The following PCBP1 variants were observed in gnomAD, a reference collection of about 807,000 sequenced individuals.
PCBP1 encodes poly(rC) binding protein 1.
For missense variants in PCBP1, 244 were observed against 474.4 expected (o/e 0.51, Z 4.51); for synonymous variants, 284 against 195.8 (o/e 1.45, Z -3.76).
rs1050348341 is a variant in PCBP1 at position 70,088,543 on chromosome 2, T to C, written c.800T>C (p.Val267Ala). 1.1e-5 allele frequency: 18 copies of C among 1,614,104 alleles called. No homozygotes were observed. Among genetic ancestry groups the C allele is most frequent in the Non-Finnish European group, 1.3e-5 (15 of 1,180,042 alleles). Residue 267 changes from valine (V) to alanine (A), a missense_variant, in exon 1 of 1, where the codon GTG becomes GCG. Val to Ala is a moderately conservative substitution (Grantham distance 64). Transcript: ENST00000303577. The surrounding 1 kb of genome is among the most constrained non-coding windows in gnomAD (Gnocchi z 4.5). Reference protein sequence around the residue: ...FAGIDSSSPEVKGYWASLDAS... With the variant: ...FAGIDSSSPEAKGYWASLDAS... ...GGAATTGACTCCAGCTCTCCAGAGG[T>C]GAAAGGCTATTGGGCAAGTTTGGAT...
rs770917988 is a variant in PCBP1, at chr2:70,088,860, G to A, written c.*46G>A. ...TAACCCCTTTCTGCTGTTCTCCCATGATCCAACTGTGTAATTTCTGGTCAG... is the reference window on the plus strand; with the variant it reads ...TAACCCCTTTCTGCTGTTCTCCCATAATCCAACTGTGTAATTTCTGGTCAG... On this transcript the variant is annotated 3_prime_UTR_variant, in exon 1 of 1. Coordinates refer to ENST00000303577, the MANE Select transcript of PCBP1 (RefSeq NM_006196.4). The surrounding 1 kb of genome is among the most constrained non-coding windows in gnomAD (Gnocchi z 4.5). 4 of 1,358,404 alleles carry A rather than the reference G, an allele frequency of 2.9e-6. No individual in the cohort carries two copies. The highest frequency in any genetic ancestry group is 2.9e-5 in the African/African-American group (2 of 68,568). The allele number at this position is 1,358,404 out of a possible 1,614,324, so 84.1% of individuals were successfully genotyped here.
At position 70,087,496 on chromosome 2, in the gene PCBP1, C is replaced by G. The variant is rs1201167805; in HGVS notation, c.-248C>G. On this transcript the variant is annotated 5_prime_UTR_variant, in exon 1 of 1. Transcript: ENST00000303577. ...CCGCCCAGACCGCCGAGGCTGCCGCCGGAGTCGCCACCGCCGCGCCCTCGC... is the reference window on the plus strand; with the variant it reads ...CCGCCCAGACCGCCGAGGCTGCCGCGGGAGTCGCCACCGCCGCGCCCTCGC... 3 of 149,780 alleles carry G rather than the reference C, an allele frequency of 2.0e-5. No individual in the cohort carries two copies. The highest frequency in any genetic ancestry group is 3.0e-5 in the Non-Finnish European group (2 of 66,844). The allele number at this position is 149,780 out of a possible 1,614,324, so 9.3% of individuals were successfully genotyped here. A position where few individuals can be genotyped will look rare whatever the true frequency, so the allele number is the denominator to read the frequency against.
At position 70,087,604 on chromosome 2, in the gene PCBP1, G is replaced by GCCCGCTCCCGCTCGCT; in HGVS notation, c.-134_-119dup. The GCCCGCTCCCGCTCGCT allele has an allele frequency of 2.7e-6, 1 of 370,622 alleles. No individual in the cohort carries two copies. Among genetic ancestry groups the GCCCGCTCCCGCTCGCT allele is most frequent in the East Asian group, 4.3e-5 (1 of 23,006 alleles). 23.0% of individuals were successfully genotyped at this position (370,622 alleles called of 1,614,324 possible). ...CCCTGCGACTACGCTGCGGCCTCCC[G>GCCCGCTCCCGCTCGCT]CCCGCTCCCGCTCGCTCCCGCGGCC... On this transcript the variant is annotated 5_prime_UTR_variant, in exon 1 of 1. Transcript: ENST00000303577.
chr2:70,087,630 C>T lies in PCBP1; in HGVS notation c.-114C>T, dbSNP rs551661073. ...CCCGCTCCCGCTCGCTCCCGCGGCC[C>T]TCGCTCGCCTCGCGCCGGCAGTTTT... On this transcript the variant is annotated 5_prime_UTR_variant, in exon 1 of 1. Transcript: ENST00000303577. The T allele has an allele frequency of 1.5e-5, 9 of 616,006 alleles. No homozygotes were observed. Among genetic ancestry groups the T allele is most frequent in the East Asian group, 3.1e-5 (1 of 32,550 alleles). The allele number at this position is 616,006 out of a possible 1,614,324, so 38.2% of individuals were successfully genotyped here.
Position 70,088,309 on chromosome 2 carries a change from G to C in PCBP1, c.566G>C (p.Ser189Thr), listed in dbSNP as rs1316876821. 3 of 1,613,814 alleles carry C rather than the reference G, an allele frequency of 1.9e-6. No homozygotes were observed. Among genetic ancestry groups the C allele is most frequent in the Non-Finnish European group, 2.5e-6 (3 of 1,180,034 alleles). The change falls in exon 1 of 1, where the codon AGC (serine) becomes ACC (threonine). Residue 189 changes from serine (S) to threonine (T), a missense_variant. By Grantham distance (58) the Ser-to-Thr change is moderately conservative. Transcript: ENST00000303577. The surrounding 1 kb of genome is among the most constrained non-coding windows in gnomAD (Gnocchi z 4.5). The part of the protein sequence containing the change: ...MTIPYQPMPA[S>T]SPVICAGGQD... Reference sequence around the variant, plus strand: ...ATTCCGTACCAGCCCATGCCGGCCAGCTCCCCAGTCATCTGCGCGGGCGGC... The same window carrying C: ...ATTCCGTACCAGCCCATGCCGGCCACCTCCCCAGTCATCTGCGCGGGCGGC...
Position 70,088,502 on chromosome 2 carries a change from C to T in PCBP1, c.759C>T (p.Gly253=), listed in dbSNP as rs763208377. Residue 253 remains glycine, a synonymous_variant, in exon 1 of 1, where the codon GGC becomes GGT. Coordinates refer to ENST00000303577, the MANE Select transcript of PCBP1 (RefSeq NM_006196.4). The surrounding 1 kb of genome is among the most constrained non-coding windows in gnomAD (Gnocchi z 4.5). ...RQQSHFAMMH[G]GTGFAGIDSS... is the part of the protein sequence containing the mutation. The stretch of plus-strand genomic sequence containing the variant: ...AGTCTCACTTTGCCATGATGCACGG[C>T]GGGACCGGATTCGCCGGAATTGACT... 3 of 1,614,148 alleles carry T rather than the reference C, an allele frequency of 1.9e-6. No individual in the cohort carries two copies. The highest frequency in any genetic ancestry group is 2.5e-6 in the Non-Finnish European group (3 of 1,180,050).
Position 70,087,969 on chromosome 2 carries a change from A to G in PCBP1, c.226A>G (p.Ile76Val), listed in dbSNP as rs1365642765. Reference sequence around the variant, plus strand: ...CATCTTTAAGGCTTTCGCTATGATCATCGACAAGCTGGAGGAAGATATCAA... The same window carrying G: ...CATCTTTAAGGCTTTCGCTATGATCGTCGACAAGCTGGAGGAAGATATCAA... ...NAIFKAFAMIIDKLEEDINSS... is the reference protein window; with the variant it reads ...NAIFKAFAMIVDKLEEDINSS... Residue 76 changes from isoleucine (I) to valine (V), a missense_variant, in exon 1 of 1, where the codon ATC becomes GTC. Transcript: ENST00000303577. The G allele has an allele frequency of 6.2e-7, 1 of 1,613,920 alleles. No homozygotes were observed. Among genetic ancestry groups the G allele is most frequent in the Admixed American group, 1.7e-5 (1 of 60,006 alleles).
chr2:70,087,606 CCGCTCCCGCT>C lies in PCBP1; in HGVS notation c.-128_-119del, dbSNP rs1256835290. ...CTGCGACTACGCTGCGGCCTCCCGC[CCGCTCCCGCT>C]CGCTCCCGCGGCCCTCGCTCGCCTC... is the stretch of plus-strand genomic sequence containing the variant. On this transcript the variant is annotated 5_prime_UTR_variant, in exon 1 of 1. Transcript: ENST00000303577. The C allele has an allele frequency of 1.0e-3, 450 of 431,710 alleles. No homozygotes were observed. Among genetic ancestry groups the C allele is most frequent in the East Asian group, 6.5e-3 (173 of 26,538 alleles). 26.7% of individuals were successfully genotyped at this position (431,710 alleles called of 1,614,324 possible).
At position 70,088,818 on chromosome 2, in the gene PCBP1, A is replaced by T; in HGVS notation, c.*4A>T. ...GAAGGGCATGGGGTGCAGCTAGAAC[A>T]GTGTAGGTTCCCTCAATAACCCCTT... On this transcript the variant is annotated 3_prime_UTR_variant, in exon 1 of 1. Coordinates refer to ENST00000303577, the MANE Select transcript of PCBP1 (RefSeq NM_006196.4). This position sits in a 1 kb window ranked among gnomAD's most constrained non-coding sequence, Gnocchi z 4.5. 1 of 1,599,600 alleles carries T rather than the reference A, an allele frequency of 6.3e-7. No homozygotes were observed. The highest frequency in any genetic ancestry group is 8.5e-7 in the Non-Finnish European group (1 of 1,170,892).
chr2:70,087,818 A>G lies in PCBP1; in HGVS notation c.75A>G (p.Val25=). 2 of 1,607,488 alleles carry G rather than the reference A, an allele frequency of 1.2e-6. No homozygotes were observed. Among genetic ancestry groups the G allele is most frequent in the Non-Finnish European group, 1.7e-6 (2 of 1,175,874 alleles). The change falls in exon 1 of 1, where the codon GTA becomes GTG. Residue 25 remains valine, a synonymous_variant. Coordinates refer to ENST00000303577, the MANE Select transcript of PCBP1 (RefSeq NM_006196.4). ...TIRLLMHGKE[V]GSIIGKKGES... Reference sequence around the variant, plus strand: ...GGCTTCTTATGCACGGAAAGGAAGTAGGAAGCATCATTGGGAAGAAAGGGG... The same window carrying G: ...GGCTTCTTATGCACGGAAAGGAAGTGGGAAGCATCATTGGGAAGAAAGGGG...
Position 70,088,671 on chromosome 2 carries a change from G to C in PCBP1, c.928G>C (p.Gly310Arg). ...CATTAATGAGATCCGCCAGATGTCCGGGGCCCAGATCAAAATTGCCAACCC... is the reference window on the plus strand; with the variant it reads ...CATTAATGAGATCCGCCAGATGTCCCGGGCCCAGATCAAAATTGCCAACCC... ...ANINEIRQMS[G>R]AQIKIANPVE... Residue 310 changes from glycine to arginine, a missense_variant, in exon 1 of 1, where the codon GGG becomes CGG. Gly to Arg is a moderately radical substitution (Grantham distance 125). Coordinates refer to ENST00000303577, the MANE Select transcript of PCBP1 (RefSeq NM_006196.4). The surrounding 1 kb of genome is among the most constrained non-coding windows in gnomAD (Gnocchi z 4.5). 6.2e-7 allele frequency: 1 copy of C among 1,614,234 alleles called. No homozygotes were observed. Among genetic ancestry groups the C allele is most frequent in the Non-Finnish European group, 8.5e-7 (1 of 1,180,048 alleles).
In PCBP1 at chr2:70,087,642, G is replaced by A; in HGVS notation, c.-102G>A. 1.5e-6 allele frequency: 1 copy of A among 682,224 alleles called. No individual in the cohort carries two copies. Among genetic ancestry groups the A allele is most frequent in the Non-Finnish European group, 2.3e-6 (1 of 433,274 alleles). 42.3% of individuals were successfully genotyped at this position (682,224 alleles called of 1,614,324 possible). On this transcript the variant is annotated 5_prime_UTR_variant, in exon 1 of 1. Coordinates refer to ENST00000303577, the MANE Select transcript of PCBP1 (RefSeq NM_006196.4). ...CGCTCCCGCGGCCCTCGCTCGCCTC[G>A]CGCCGGCAGTTTTGGGCCTACACCT...
chr2:70,088,887 G>A lies in PCBP1; in HGVS notation c.*73G>A, dbSNP rs1572930016. 1 of 1,077,766 alleles carries A rather than the reference G, an allele frequency of 9.3e-7. No homozygotes were observed. The highest frequency in any genetic ancestry group is 2.5e-5 in the East Asian group (1 of 40,516). 66.8% of individuals were successfully genotyped at this position (1,077,766 alleles called of 1,614,324 possible). On this transcript the variant is annotated 3_prime_UTR_variant, in exon 1 of 1. Coordinates refer to ENST00000303577, the MANE Select transcript of PCBP1 (RefSeq NM_006196.4). This position sits in a 1 kb window ranked among gnomAD's most constrained non-coding sequence, Gnocchi z 4.5. ...TCCAACTGTGTAATTTCTGGTCAGT[G>A]ATTCCAGGTTTTAAATAATTTGTAA...
Position 70,088,019 on chromosome 2 carries a change from G to A in PCBP1, c.276G>A (p.Ala92=). The change falls in exon 1 of 1, where the codon GCG becomes GCA. Residue 92 remains alanine (A), a synonymous_variant. Transcript: ENST00000303577. This position sits in a 1 kb window ranked among gnomAD's most constrained non-coding sequence, Gnocchi z 4.5. ...ACAGCTCCATGACCAACAGTACCGC[G>A]GCCAGCAGGCCCCCGGTCACCCTGA... is the stretch of plus-strand genomic sequence containing the variant. The part of the protein sequence containing the change: ...DINSSMTNST[A]ASRPPVTLRL... 1 of 1,613,734 alleles carries A rather than the reference G, an allele frequency of 6.2e-7. No homozygotes were observed.
Position 70,088,577 on chromosome 2 carries a change from T to C in PCBP1, c.834T>C (p.Thr278=). ...KGYWASLDAS[T]QTTHELTIPN... is the part of the protein sequence containing the mutation. Reference sequence around the variant, plus strand: ...ATTGGGCAAGTTTGGATGCATCTACTCAAACCACCCATGAACTCACCATTC... The same window carrying C: ...ATTGGGCAAGTTTGGATGCATCTACCCAAACCACCCATGAACTCACCATTC... Residue 278 remains threonine, a synonymous_variant, in exon 1 of 1, where the codon ACT becomes ACC. Transcript: ENST00000303577. This position sits in a 1 kb window ranked among gnomAD's most constrained non-coding sequence, Gnocchi z 4.5. The C allele has an allele frequency of 1.9e-6, 3 of 1,614,242 alleles. No homozygotes were observed. Among genetic ancestry groups the C allele is most frequent in the Non-Finnish European group, 8.5e-7 (1 of 1,180,044 alleles).
Position 70,087,712 on chromosome 2 carries a change from C to T in PCBP1, c.-32C>T, listed in dbSNP as rs1309352130. 3 of 1,432,506 alleles carry T rather than the reference C, an allele frequency of 2.1e-6. No individual in the cohort carries two copies. The highest frequency in any genetic ancestry group is 2.9e-6 in the Non-Finnish European group (3 of 1,049,804). The allele number at this position is 1,432,506 out of a possible 1,614,324, so 88.7% of individuals were successfully genotyped here. A position where few individuals can be genotyped will look rare whatever the true frequency, so the allele number is the denominator to read the frequency against. ...CCAAAGACTTGACCACGTAACGAGCCCAACTCCCCCGAACGCCGCCCGCCG... is the reference window on the plus strand; with the variant it reads ...CCAAAGACTTGACCACGTAACGAGCTCAACTCCCCCGAACGCCGCCCGCCG... On this transcript the variant is annotated 5_prime_UTR_variant, in exon 1 of 1. Coordinates refer to ENST00000303577, the MANE Select transcript of PCBP1 (RefSeq NM_006196.4).
In PCBP1 at chr2:70,088,514, C is replaced by A. The variant is rs762345671; in HGVS notation, c.771C>A (p.Phe257Leu). Residue 257 changes from phenylalanine (F) to leucine (L), a missense_variant, in exon 1 of 1, where the codon TTC becomes TTA. Transcript: ENST00000303577. The surrounding 1 kb of genome is among the most constrained non-coding windows in gnomAD (Gnocchi z 4.5). ...HFAMMHGGTG[F>L]AGIDSSSPEV... Reference sequence around the variant, plus strand: ...CCATGATGCACGGCGGGACCGGATTCGCCGGAATTGACTCCAGCTCTCCAG... The same window carrying A: ...CCATGATGCACGGCGGGACCGGATTAGCCGGAATTGACTCCAGCTCTCCAG... 6.2e-7 allele frequency: 1 copy of A among 1,614,158 alleles called. No individual in the cohort carries two copies. The highest frequency in any genetic ancestry group is 2.2e-5 in the East Asian group (1 of 44,904).
chr2:70,088,907 TTGTAAG>T lies in PCBP1; in HGVS notation c.*97_*102del. The T allele has an allele frequency of 1.1e-6, 1 of 876,406 alleles. No homozygotes were observed. The highest frequency in any genetic ancestry group is 1.7e-6 in the Non-Finnish European group (1 of 574,874). 54.3% of individuals were successfully genotyped at this position (876,406 alleles called of 1,614,324 possible). A position where few individuals can be genotyped will look rare whatever the true frequency, so the allele number is the denominator to read the frequency against. On this transcript the variant is annotated 3_prime_UTR_variant, in exon 1 of 1. Transcript: ENST00000303577. This position sits in a 1 kb window ranked among gnomAD's most constrained non-coding sequence, Gnocchi z 4.5. ...TCAGTGATTCCAGGTTTTAAATAATTTGTAAGTGTTCAGTTTCTACACAACTTTATC... is the reference window on the plus strand; with the variant it reads ...TCAGTGATTCCAGGTTTTAAATAATTTGTTCAGTTTCTACACAACTTTATC...
chr2:70,087,634 C>G lies in PCBP1; in HGVS notation c.-110C>G. On this transcript the variant is annotated 5_prime_UTR_variant, in exon 1 of 1. Coordinates refer to ENST00000303577, the MANE Select transcript of PCBP1 (RefSeq NM_006196.4). ...CTCCCGCTCGCTCCCGCGGCCCTCGCTCGCCTCGCGCCGGCAGTTTTGGGC... is the reference window on the plus strand; with the variant it reads ...CTCCCGCTCGCTCCCGCGGCCCTCGGTCGCCTCGCGCCGGCAGTTTTGGGC... 1 of 643,398 alleles carries G rather than the reference C, an allele frequency of 1.6e-6. No homozygotes were observed. Among genetic ancestry groups the G allele is most frequent in the East Asian group, 3.0e-5 (1 of 33,220 alleles). The allele number at this position is 643,398 out of a possible 1,614,324, so 39.9% of individuals were successfully genotyped here.
Sources: gnomAD v4.1 joint callset for allele counts on GRCh38, gnomAD v4.1.1 for gene constraint, Gnocchi (gnomAD v3.1) non-coding constraint, MANE v1.5 for transcripts, NCBI Gene and HGNC (gene_info 2026-07-23, HGNC 2026-07-21) for gene names.